LIMD1: variants seen among roughly 807,000 people sequenced by gnomAD.
LIMD1 encodes the protein LIM domain-containing protein 1.
In LIMD1, 23 loss-of-function variants were observed where a neutral mutation model predicts 58.4. That is an observed-to-expected ratio of 0.39 (90% CI 0.28 to 0.56). LIMD1 has a LOEUF of 0.56. Among genes scored for constraint, LIMD1 ranks in the 20% least tolerant of loss-of-function variants. LIMD1 has a pLI of 0.57. For synonymous variants in LIMD1, 334 were observed against 345.5 expected (o/e 0.97, Z 0.37); for missense variants, 838 against 855.5 (o/e 0.98, Z 0.25).
intron 2 of LIMD1, among the ~76,000 whole-genome samples, chr3:45,638,399 A>C (rs114968307): frequency 0.024 from 3,655 of 152,334 alleles, 58 homozygotes; most frequent in Non-Finnish European, 0.041. Context: ...TCACCCACAC[A>C]GTGAACATAG....
At chr3:45,668,470 G>A in intron 4 of LIMD1, 114 bp downstream of exon 4, 1 of 829,548 alleles carries the variant, frequency 1.2e-6, no homozygotes, top group South Asian at 1.6e-5. Flanking sequence ...TGTGGTTACA[G>A]CTGGGCGCAG....
At chr3:45,635,852 T>A in intron 1 of LIMD1, 1 of 983,096 alleles carries the variant, frequency 1.0e-6, no homozygotes. Flanking sequence ...AGTGGGAACC[T>A]TCGAAAGCTT....
chr3:45,628,379 CAAATAAGCAGGTGA>C (rs1378638446), intron 1 of LIMD1, among the ~76,000 whole-genome samples: 1 of 152,072 alleles, frequency 6.6e-6, no homozygotes, highest in East Asian at 1.9e-4. Context: ...AAAAGGATGA[CAAATAAGCAGGTGA>C]AAAGATGCTC....
chr3:45,596,131 C>A lies in LIMD1; in HGVS notation c.1252C>A (p.Leu418Ile). 2 of 1,614,202 alleles carry A rather than the reference C, an allele frequency of 1.2e-6. No individual in the cohort carries two copies. The highest frequency in any genetic ancestry group is 1.7e-6 in the Non-Finnish European group (2 of 1,180,046). Residue 418 changes from leucine (L) to isoleucine (I), a missense_variant, in exon 1 of 8, where the codon CTC (leucine) becomes ATC (isoleucine). Leu to Ile is a conservative substitution (Grantham distance 5). Around this residue, in one of 3 missense-constraint regions of LIMD1, gnomAD observed 659 missense variants for 639.8 expected, o/e 1.03. Transcript: ENST00000273317. ...WSSDGSLGSV[L>I]LDSPSSPRVR... ...TTCTGATGGTAGCCTGGGATCTGTGCTCCTGGACAGCCCCAGCTCCCCTAG... is the reference window on the plus strand; with the variant it reads ...TTCTGATGGTAGCCTGGGATCTGTGATCCTGGACAGCCCCAGCTCCCCTAG...
chr3:45,632,205 T>C (rs924940989), intron 1 of LIMD1, among the ~76,000 whole-genome samples: 3 of 152,234 alleles, frequency 2.0e-5, no homozygotes, highest in Non-Finnish European at 4.4e-5. Flanking sequence ...TTGCTCATTG[T>C]AAAGGCTTAG....
chr3:45,596,681 G>A (rs1328910647), intron 1 of LIMD1, among the ~76,000 whole-genome samples: 1 of 152,016 alleles, frequency 6.6e-6, no homozygotes, highest in Admixed American at 6.6e-5. Context: ...ACCCCTGAGC[G>A]TTCAGTCTGT....
rs761966525 is a variant in LIMD1 at position 45,595,910 on chromosome 3, A to G, written c.1031A>G (p.Tyr344Cys). ...TGGTTCCAGGATGGGCCCAAATCTT[A>G]CCTTTCCAGTTCTGCCCCGTCATCC... ...QPWFQDGPKS[Y>C]LSSSAPSSSP... Residue 344 changes from tyrosine (Y) to cysteine (C), a missense_variant, in exon 1 of 8, where the codon TAC (tyrosine) becomes TGC (cysteine). Tyr to Cys is a radical substitution (Grantham distance 194). This residue lies in a region of LIMD1 where 659 missense variants were observed against 639.8 expected (regional missense o/e 1.03). Transcript: ENST00000273317. The G allele has an allele frequency of 2.5e-6, 4 of 1,614,038 alleles. No individual in the cohort carries two copies. Among genetic ancestry groups the G allele is most frequent in the African/African-American group, 1.3e-5 (1 of 75,006 alleles).
chr3:45,673,684 C>T, intron 6 of LIMD1, 179 bp downstream of exon 6: 1 of 624,430 alleles, frequency 1.6e-6, no homozygotes, highest in African/African-American at 1.8e-5. Context: ...GAGGCCCAGG[C>T]AGGAAAATTG....
intron 2 of LIMD1, among the ~76,000 whole-genome samples, chr3:45,643,295 G>A (rs1701865605): frequency 6.6e-6 from 1 of 152,012 alleles, no homozygotes; most frequent in African/African-American, 2.4e-5. Flanking sequence ...GACCAGCCTG[G>A]GCAATGTGGC....
intron 1 of LIMD1, among the ~76,000 whole-genome samples, chr3:45,625,342 A>G (rs1277722894): frequency 3.3e-5 from 5 of 152,114 alleles, no homozygotes; most frequent in South Asian, 2.1e-4. Context: ...CAAACAAGAA[A>G]TGCCGAGTAC....
intron 7 of LIMD1, 76 bp from the exon 8 acceptor site, chr3:45,676,846 T>G: frequency 7.2e-7 from 1 of 1,392,434 alleles, no homozygotes. Flanking sequence ...CTGCTGATTT[T>G]GGGGACTGTG....
In LIMD1 at chr3:45,614,081, G is replaced by T. The variant is rs548815660; in HGVS notation, c.1408+17794G>T. ...GGCTGATACCCTCCCAATTTCCTCTGTTAAAATATTATCTTCACAAGATAT... is the reference window on the plus strand; with the variant it reads ...GGCTGATACCCTCCCAATTTCCTCTTTTAAAATATTATCTTCACAAGATAT... On this transcript the variant is annotated intron_variant, in intron 1 of 7. Coordinates refer to ENST00000273317, the MANE Select transcript of LIMD1 (RefSeq NM_014240.3). Among the ~76,000 whole-genome samples, 4 of 152,108 alleles carry T rather than the reference G, an allele frequency of 2.6e-5. No homozygotes were observed. In the South Asian group the frequency reaches 8.3e-4, roughly 32 times the overall value.
At chr3:45,642,074 T>G (rs1264124228) in intron 2 of LIMD1, among the ~76,000 whole-genome samples, 2 of 152,164 alleles carry the variant, frequency 1.3e-5, no homozygotes, top group Non-Finnish European at 2.9e-5. Context: ...CTATGTGCAG[T>G]TCTCCCAGGC....
chr3:45,667,113 C>G (rs1280356767), intron 3 of LIMD1, among the ~76,000 whole-genome samples: 3 of 152,220 alleles, frequency 2.0e-5, no homozygotes, highest in Non-Finnish European at 2.9e-5. Flanking sequence ...TTGGGAGGAC[C>G]CCAGAGTTTA....
At chr3:45,646,016 C>T (rs374194000) in intron 2 of LIMD1, among the ~76,000 whole-genome samples, 1 of 144,448 alleles carries the variant, frequency 6.9e-6, no homozygotes, top group South Asian at 2.2e-4. Flanking sequence ...AGTGACAGAG[C>T]GAGACTCTGT....
intron 1 of LIMD1, among the ~76,000 whole-genome samples, chr3:45,601,042 T>C (rs1701407005): frequency 6.6e-6 from 1 of 152,106 alleles, no homozygotes; most frequent in Admixed American, 6.6e-5. Context: ...CCAGCCTGGG[T>C]GACAGAGGGA....
intron 1 of LIMD1, among the ~76,000 whole-genome samples, chr3:45,625,430 A>G (rs745631752): frequency 1.3e-5 from 2 of 152,070 alleles, no homozygotes; most frequent in Non-Finnish European, 2.9e-5. Flanking sequence ...CTGAGCCTTC[A>G]TTTACCTAGA....
chr3:45,607,524 TC>T (rs1206374613), intron 1 of LIMD1, among the ~76,000 whole-genome samples: 2 of 151,946 alleles, frequency 1.3e-5, no homozygotes, highest in African/African-American at 4.8e-5. Context: ...TCTACCTCCC[TC>T]CCCACAAACA....
At chr3:45,619,838 C>G (rs1344883943) in intron 1 of LIMD1, among the ~76,000 whole-genome samples, 2 of 133,632 alleles carry the variant, frequency 1.5e-5, no homozygotes, top group African/African-American at 2.9e-5. Flanking sequence ...GCCCCCCCCC[C>G]CAAAAAAAGC....
Sources: gnomAD v4.1 joint callset for allele counts (sites outside exome capture counted in the v4.1 genomes callset) on GRCh38, gnomAD v4.1.1 for gene constraint, gnomAD v4.1.1 regional missense constraint, MANE v1.5 for transcripts, NCBI Gene and HGNC (gene_info 2026-07-23, HGNC 2026-07-21) for gene names.